Variants in GMPS observed in about 807,000 individuals in gnomAD.
GMPS encodes GMP synthase [glutamine-hydrolyzing].
GMPS carries 15 observed loss-of-function variants against 77.9 expected under a neutral mutation model. The ratio of observed to expected loss-of-function variants is 0.19; its 90% CI spans 0.13 to 0.30. The LOEUF (loss-of-function observed/expected upper bound fraction) is 0.30, where lower values mean the gene tolerates loss of function less well. Ranked by LOEUF, GMPS falls within the 10% of genes least tolerant of loss-of-function variation. The pLI is 1.00. For missense variants in GMPS, 590 were observed against 838.8 expected, an observed-to-expected ratio of 0.70 and a Z score of 3.66; for synonymous variants, 224 against 275.9, an observed-to-expected ratio of 0.81 and a Z score of 1.86.
Position 155,940,199 on chromosome 3 carries a change from G to T in GMPS, c.*2507G>T. 1 of 199,510 alleles carries T rather than the reference G, an allele frequency of 5.0e-6. No individual in the cohort carries two copies. The allele number at this position is 199,510 out of a possible 1,614,324, so 12.4% of individuals were successfully genotyped here. A position where few individuals can be genotyped will look rare whatever the true frequency, so the allele number is the denominator to read the frequency against. On this transcript the variant is annotated 3_prime_UTR_variant, in exon 16 of 16. Transcript: ENST00000496455. The stretch of plus-strand genomic sequence containing the variant: ...TGTACTTTTTAGGTAGACAGAGAAT[G>T]TAGATCATTGAAAGCATTATTTATT...
intron 10 of GMPS, among the ~76,000 whole-genome samples, chr3:155,921,207 C>G (rs148271413): frequency 1.3e-5 from 2 of 152,088 alleles, no homozygotes; most frequent in Non-Finnish European, 2.9e-5. Flanking sequence ...GAGCTGAGAT[C>G]GTGCCACTGC....
intron 1 of GMPS, among the ~76,000 whole-genome samples, chr3:155,871,794 G>A (rs565395945): frequency 6.6e-6 from 1 of 152,230 alleles, no homozygotes; most frequent in Non-Finnish European, 1.5e-5. Flanking sequence ...CGTACCCGGC[G>A]GGGAGAGCAC....
At chr3:155,911,602 C>G (rs1179545372) in intron 7 of GMPS, among the ~76,000 whole-genome samples, 3 of 152,090 alleles carry the variant, frequency 2.0e-5, no homozygotes, top group Non-Finnish European at 4.4e-5. Flanking sequence ...TTAGGGAGAT[C>G]AAGGTGGGTG....
chr3:155,922,756 C>T (rs1210445483), intron 11 of GMPS, among the ~76,000 whole-genome samples: 1 of 152,186 alleles, frequency 6.6e-6, no homozygotes, highest in Non-Finnish European at 1.5e-5. Flanking sequence ...TATCTTCACA[C>T]TATGCAACCC....
rs185678200 is a variant in GMPS, at chr3:155,942,538, C to A, written c.*4846C>A. On this transcript the variant is annotated 3_prime_UTR_variant, in exon 16 of 16. Transcript: ENST00000496455. ...GATGGTCTTGCTGAAGGTCTTATAG[C>A]TAAATTAGTTCAGATCCAGGAACCA... 3.8e-4 allele frequency: 87 copies of A among 227,766 alleles called. No homozygotes were observed. The Middle Eastern group carries it at 5.3e-3, about 14-fold the overall frequency. The allele number at this position is 227,766 out of a possible 1,614,324, so 14.1% of individuals were successfully genotyped here. A position where few individuals can be genotyped will look rare whatever the true frequency, so the allele number is the denominator to read the frequency against.
chr3:155,869,903 G>T (rs1261010021), upstream of GMPS, among the ~76,000 whole-genome samples: 1 of 7,596 alleles, frequency 1.3e-4, no homozygotes, highest in African/African-American at 6.5e-4. Flanking sequence ...CAAATTCAAA[G>T]TAACACCTCA....
rs559159278 is a variant in GMPS at position 155,888,085 on chromosome 3, AT to A, written c.28-5425del. ...CATTCCTTTATTTTAATTATTAAAAATTTTTTTTAAGAGATAGGGTCTTGCT... is the reference window on the plus strand; with the variant it reads ...CATTCCTTTATTTTAATTATTAAAAATTTTTTTAAGAGATAGGGTCTTGCT... On this transcript the variant is annotated intron_variant, in intron 1 of 15. Transcript: ENST00000496455. Among the ~76,000 whole-genome samples the A allele has an allele frequency of 1.4e-3, 213 of 151,956 alleles. 2 individuals carry two copies. Among genetic ancestry groups the A allele is most frequent in the African/African-American group, 4.9e-3 (204 of 41,444 alleles).
intron 1 of GMPS, among the ~76,000 whole-genome samples, chr3:155,892,912 G>A (rs552972916): frequency 2.1e-4 from 32 of 152,314 alleles, no homozygotes; most frequent in Admixed American, 1.8e-3. Flanking sequence ...GATTACAGGC[G>A]TGAGCCACCG....
rs1755849307 is a variant in GMPS, at chr3:155,939,842, A to G, written c.*2150A>G. The G allele has an allele frequency of 5.0e-6, 1 of 200,598 alleles. No homozygotes were observed. 12.4% of individuals were successfully genotyped at this position (200,598 alleles called of 1,614,324 possible). On this transcript the variant is annotated 3_prime_UTR_variant, in exon 16 of 16. Coordinates refer to ENST00000496455, the MANE Select transcript of GMPS (RefSeq NM_003875.3). ...TTTGTGCCATATAGCATTACTCTGT[A>G]CCTTCACAGTATTTCATCTGAGCCA... is the stretch of plus-strand genomic sequence containing the variant.
At chr3:155,912,070 G>T (rs939644018) in intron 7 of GMPS, among the ~76,000 whole-genome samples, 2 of 151,718 alleles carry the variant, frequency 1.3e-5, no homozygotes, top group Admixed American at 1.3e-4. Context: ...TTAAAAACAA[G>T]GTGCAATTGA....
chr3:155,941,992 G>A lies in GMPS; in HGVS notation c.*4300G>A. 4.8e-6 allele frequency: 1 copy of A among 209,836 alleles called. No homozygotes were observed. The highest frequency in any genetic ancestry group is 9.7e-6 in the Non-Finnish European group (1 of 103,416). The allele number at this position is 209,836 out of a possible 1,614,324, so 13.0% of individuals were successfully genotyped here. A position where few individuals can be genotyped will look rare whatever the true frequency, so the allele number is the denominator to read the frequency against. Reference sequence around the variant, plus strand: ...TTGTCAGTGTTCCTCAACACTGGATGCGTATTATTACATAACCTGAGGAGT... The same window carrying A: ...TTGTCAGTGTTCCTCAACACTGGATACGTATTATTACATAACCTGAGGAGT... On this transcript the variant is annotated 3_prime_UTR_variant, in exon 16 of 16. Transcript: ENST00000496455.
chr3:155,937,736 AT>A lies in GMPS; in HGVS notation c.*46del. The A allele has an allele frequency of 1.2e-6, 1 of 847,148 alleles. No individual in the cohort carries two copies. The highest frequency in any genetic ancestry group is 1.4e-5 in the South Asian group (1 of 71,546). The allele number at this position is 847,148 out of a possible 1,614,324, so 52.5% of individuals were successfully genotyped here. On this transcript the variant is annotated 3_prime_UTR_variant, in exon 16 of 16. Coordinates refer to ENST00000496455, the MANE Select transcript of GMPS (RefSeq NM_003875.3). The stretch of plus-strand genomic sequence containing the variant: ...AAAGTACCGTGTGCAGTTTAAATTG[AT>A]TAGAAATCATTCCCATTATTGACAT...
chr3:155,875,540 A>T (rs1754029559), intron 1 of GMPS, among the ~76,000 whole-genome samples: 1 of 152,198 alleles, frequency 6.6e-6, no homozygotes, highest in Non-Finnish European at 1.5e-5. Context: ...CTGGCCTTAA[A>T]CTTTGTTTTT....
intron 1 of GMPS, among the ~76,000 whole-genome samples, chr3:155,877,530 G>C (rs1397633300): frequency 6.6e-6 from 1 of 151,972 alleles, no homozygotes; most frequent in South Asian, 2.1e-4. Context: ...CCTTCAGCAA[G>C]GGTCCCCATT....
At chr3:155,936,229 G>A (rs1289801750) in intron 14 of GMPS, 109 bp from the exon 15 acceptor site, 6 of 697,800 alleles carry the variant, frequency 8.6e-6, no homozygotes, top group Non-Finnish European at 5.2e-6. Context: ...TCTTAACTAC[G>A]CTGTGTGTGT....
At chr3:155,908,011 C>G (rs1313773404) in intron 5 of GMPS, among the ~76,000 whole-genome samples, 1 of 151,818 alleles carries the variant, frequency 6.6e-6, no homozygotes, top group East Asian at 1.9e-4. Context: ...CACTGCAATA[C>G]TTTGGCTTTA....
At chr3:155,894,304 A>C (rs1577508574) in intron 2 of GMPS, among the ~76,000 whole-genome samples, 2 of 151,982 alleles carry the variant, frequency 1.3e-5, no homozygotes, top group South Asian at 2.1e-4. Flanking sequence ...GCTCACTGCA[A>C]CCTCCACCTC....
At chr3:155,928,628 C>T (rs1484790138) in intron 12 of GMPS, among the ~76,000 whole-genome samples, 44 of 149,876 alleles carry the variant, frequency 2.9e-4, no homozygotes, top group Non-Finnish European at 5.2e-4. Flanking sequence ...GCTGGTGCAC[C>T]GCACCCACTA....
rs1048846201 is a variant in GMPS at position 155,943,549 on chromosome 3, T to C, written c.*5857T>C. The C allele has an allele frequency of 7.3e-5, 13 of 179,006 alleles. No homozygotes were observed. Among genetic ancestry groups the C allele is most frequent in the African/African-American group, 3.1e-4 (13 of 42,454 alleles). The allele number at this position is 179,006 out of a possible 1,614,324, so 11.1% of individuals were successfully genotyped here. A position where few individuals can be genotyped will look rare whatever the true frequency, so the allele number is the denominator to read the frequency against. ...AACCTCCTTTTGAACATATTTTTTATAAAGAAATATTTTGTTAATTGGAGT... is the reference window on the plus strand; with the variant it reads ...AACCTCCTTTTGAACATATTTTTTACAAAGAAATATTTTGTTAATTGGAGT... On this transcript the variant is annotated 3_prime_UTR_variant, in exon 16 of 16. Transcript: ENST00000496455.
Sources: allele counts gnomAD v4.1 joint callset (sites outside exome capture counted in the v4.1 genomes callset), GRCh38; gene constraint gnomAD v4.1.1; transcripts MANE v1.5; gene names NCBI Gene and HGNC (gene_info 2026-07-23, HGNC 2026-07-21).